CPQ: variants seen among roughly 807,000 people sequenced by gnomAD.
The protein encoded by CPQ is carboxypeptidase Q.
A neutral mutation model predicts 45.7 loss-of-function variants in CPQ; 37 were observed. The observed-to-expected ratio is 0.81, with a 90% CI of 0.62 to 1.07. The LOEUF (loss-of-function observed/expected upper bound fraction) is 1.07, where lower values mean the gene tolerates loss of function less well. CPQ is among the 50% of genes least tolerant of loss of function. CPQ has a pLI of 0.00. For synonymous variants in CPQ, 186 were observed against 205.8 expected (o/e 0.90, Z 0.82); for missense variants, 537 against 572.9 (o/e 0.94, Z 0.64).
chr8:96,924,903 T>A (rs959295090), intron 4 of CPQ, among the ~76,000 whole-genome samples: 10 of 152,254 alleles, frequency 6.6e-5, no homozygotes, highest in Non-Finnish European at 2.9e-5. Flanking sequence ...ATTGACTTTT[T>A]AACTTTTTTG....
intron 1 of CPQ, among the ~76,000 whole-genome samples, chr8:96,685,136 C>CAACAAAAAAAACAAAAAACA (rs139480355): frequency 2.0e-5 from 3 of 149,814 alleles, no homozygotes; most frequent in Non-Finnish European, 4.4e-5. Flanking sequence ...AAACAAAAAA[C>CAACAAAAAAAACAAAAAACA]AAAAAACAGA....
intron 1 of CPQ, among the ~76,000 whole-genome samples, chr8:96,762,222 A>G (rs1406661183): frequency 6.6e-6 from 1 of 152,146 alleles, no homozygotes; most frequent in Non-Finnish European, 1.5e-5. Context: ...TCATGTTCTT[A>G]TCTTTTATGT....
At chr8:96,844,595 C>A (rs1811659120) in intron 3 of CPQ, among the ~76,000 whole-genome samples, 2 of 152,322 alleles carry the variant, frequency 1.3e-5, no homozygotes, top group African/African-American at 4.8e-5. Context: ...TAAATGAAAT[C>A]AAGCCCTTGA....
chr8:96,748,575 A>C (rs1335829238), intron 1 of CPQ, among the ~76,000 whole-genome samples: 1 of 152,184 alleles, frequency 6.6e-6, no homozygotes, highest in Non-Finnish European at 1.5e-5. Flanking sequence ...AAAAAAACCA[A>C]GCACTGGATT....
intron 2 of CPQ, among the ~76,000 whole-genome samples, chr8:96,792,712 G>A (rs1230117319): frequency 6.6e-6 from 1 of 152,162 alleles, no homozygotes. Context: ...TTGAGAAACA[G>A]TGGATTTTTA....
intron 1 of CPQ, among the ~76,000 whole-genome samples, chr8:96,688,070 A>T (rs1809256525): frequency 6.6e-6 from 1 of 152,054 alleles, no homozygotes; most frequent in South Asian, 2.1e-4. Context: ...TTATTTTCTA[A>T]TTTAAGACTT....
At chr8:97,071,597 C>T (rs376965037) in intron 7 of CPQ, among the ~76,000 whole-genome samples, 6 of 152,316 alleles carry the variant, frequency 3.9e-5, no homozygotes, top group Middle Eastern at 3.4e-3. Context: ...CCAAAACTCA[C>T]TGATTCCTAC....
At chr8:96,705,634 A>G (rs1239486205) in intron 1 of CPQ, among the ~76,000 whole-genome samples, 1 of 152,084 alleles carries the variant, frequency 6.6e-6, no homozygotes, top group Non-Finnish European at 1.5e-5. Context: ...TGCAGCCAAG[A>G]GTCTGGTGTC....
intron 4 of CPQ, among the ~76,000 whole-genome samples, chr8:96,907,786 C>A (rs1184685315): frequency 3.9e-5 from 6 of 151,924 alleles, no homozygotes; most frequent in Non-Finnish European, 5.9e-5. Flanking sequence ...CCTCCTGTAT[C>A]CTGTACAGGT....
At chr8:96,947,689 A>T (rs1813209519) in intron 4 of CPQ, among the ~76,000 whole-genome samples, 1 of 152,190 alleles carries the variant, frequency 6.6e-6, no homozygotes, top group African/African-American at 2.4e-5. Context: ...AATGCATTTT[A>T]AAACTTTTTT....
intron 1 of CPQ, among the ~76,000 whole-genome samples, chr8:96,675,977 G>A (rs1206517307): frequency 1.3e-5 from 2 of 151,762 alleles, no homozygotes; most frequent in African/African-American, 2.4e-5. Flanking sequence ...TACCAAAAAT[G>A]TTTATTTTTT....
chr8:96,848,280 A>G lies in CPQ; in HGVS notation c.641+13100A>G, dbSNP rs544823495. ...CCAATTTTTGTAGGGGTAGGAACTT[A>G]CATAATTTGGGGGCCTCTTTAAGAA... On this transcript the variant is annotated intron_variant, in intron 3 of 7. Coordinates refer to ENST00000220763, the MANE Select transcript of CPQ (RefSeq NM_016134.4). Among the ~76,000 whole-genome samples, 8 of 152,368 alleles carry G rather than the reference A, an allele frequency of 5.3e-5. No individual in the cohort carries two copies. The South Asian group carries it at 1.7e-3, about 32-fold the overall frequency.
At chr8:97,031,966 AC>A (rs1405431307) in intron 6 of CPQ, among the ~76,000 whole-genome samples, 1 of 152,220 alleles carries the variant, frequency 6.6e-6, no homozygotes, top group African/African-American at 2.4e-5. Flanking sequence ...TATTGACATT[AC>A]TAAGACTATA....
At chr8:96,917,007 T>C (rs894684810) in intron 4 of CPQ, among the ~76,000 whole-genome samples, 1 of 152,114 alleles carries the variant, frequency 6.6e-6, no homozygotes, top group Non-Finnish European at 1.5e-5. Flanking sequence ...GCTGAGGTAG[T>C]GTTCATCAGG....
intron 3 of CPQ, among the ~76,000 whole-genome samples, chr8:96,872,923 G>C (rs1812090771): frequency 6.6e-6 from 1 of 151,570 alleles, no homozygotes; most frequent in Non-Finnish European, 1.5e-5. Flanking sequence ...CTGTATCTTT[G>C]AATCTTCTTT....
At chr8:96,897,681 G>T (rs1812461267) in intron 4 of CPQ, among the ~76,000 whole-genome samples, 2 of 152,166 alleles carry the variant, frequency 1.3e-5, no homozygotes, top group South Asian at 4.1e-4. Flanking sequence ...CCATCCTCAT[G>T]ATATCTCATT....
intron 1 of CPQ, among the ~76,000 whole-genome samples, chr8:96,755,748 G>T (rs1299853068): frequency 6.6e-6 from 1 of 151,356 alleles, no homozygotes; most frequent in Non-Finnish European, 1.5e-5. Flanking sequence ...AAATTTTGTT[G>T]TTTTATTTAT....
chr8:97,110,816 C>T (rs546533829), intron 7 of CPQ, among the ~76,000 whole-genome samples: 4 of 152,234 alleles, frequency 2.6e-5, no homozygotes, highest in Middle Eastern at 6.8e-3. Flanking sequence ...TGGAATCCAG[C>T]GAAGGAGCCA....
At chr8:96,858,169 G>T (rs909351840) in intron 3 of CPQ, among the ~76,000 whole-genome samples, 1 of 152,128 alleles carries the variant, frequency 6.6e-6, no homozygotes, top group Non-Finnish European at 1.5e-5. Flanking sequence ...TGTACTAAGG[G>T]AAATATGAAG....
Sources: gnomAD v4.1 joint callset for allele counts (sites outside exome capture counted in the v4.1 genomes callset) on GRCh38, gnomAD v4.1.1 for gene constraint, MANE v1.5 for transcripts, NCBI Gene and HGNC (gene_info 2026-07-23, HGNC 2026-07-21) for gene names.